Variants in RTN1 observed in about 807,000 individuals in gnomAD.
The protein encoded by RTN1 is reticulon-1.
Under a neutral mutation model 65.5 loss-of-function variants are expected in RTN1, and 25 were observed. The observed-to-expected ratio is 0.38, with a 90% CI of 0.28 to 0.53. The LOEUF (loss-of-function observed/expected upper bound fraction) is 0.53, where lower values mean the gene tolerates loss of function less well. RTN1 is among the 20% of genes least tolerant of loss of function. RTN1 has a pLI of 0.79. For synonymous variants in RTN1, 471 were observed against 447.6 expected (o/e 1.05, Z -0.66); for missense variants, 983 against 1,025.4 (o/e 0.96, Z 0.57).
At chr14:59,601,264 C>G (rs1881570018) in intron 8 of RTN1, among the ~76,000 whole-genome samples, 1 of 152,180 alleles carries the variant, frequency 6.6e-6, no homozygotes, top group African/African-American at 2.4e-5. Context: ...CTTGCAACGT[C>G]TTTCCCCTTA....
At chr14:59,707,726 CACACACACACACACACAA>C (rs1232931280) in intron 3 of RTN1, among the ~76,000 whole-genome samples, 4 of 151,944 alleles carry the variant, frequency 2.6e-5, no homozygotes, top group African/African-American at 9.7e-5. Flanking sequence ...CACACACACA[CACACACACACACACACAA>C]ATACATACAC....
intron 4 of RTN1, 93 bp from the exon 5 acceptor site, chr14:59,605,599 A>C: frequency 8.9e-5 from 121 of 1,357,460 alleles, no homozygotes; most frequent in Non-Finnish European, 1.1e-4. Flanking sequence ...TCCTACTCTC[A>C]CTCTGAGGGT....
At chr14:59,764,374 G>A (rs1885808761) in intron 1 of RTN1, among the ~76,000 whole-genome samples, 1 of 151,208 alleles carries the variant, frequency 6.6e-6, no homozygotes, top group Non-Finnish European at 1.5e-5. Flanking sequence ...AGGCTGGAAT[G>A]CAATGGCGCA....
intron 1 of RTN1, among the ~76,000 whole-genome samples, chr14:59,769,432 T>C (rs1342889142): frequency 6.6e-6 from 1 of 152,192 alleles, no homozygotes; most frequent in Non-Finnish European, 1.5e-5. Flanking sequence ...AAATGACATA[T>C]ATTTTTCATG....
At chr14:59,822,660 T>G (rs1164609701) in intron 1 of RTN1, among the ~76,000 whole-genome samples, 1 of 152,218 alleles carries the variant, frequency 6.6e-6, no homozygotes, top group Non-Finnish European at 1.5e-5. Flanking sequence ...TGCTATAAAC[T>G]TTCCTCTTAA....
intron 1 of RTN1, among the ~76,000 whole-genome samples, chr14:59,747,348 G>A (rs1197985648): frequency 3.3e-5 from 5 of 152,166 alleles, no homozygotes; most frequent in African/African-American, 9.7e-5. Context: ...AGTGGCTCAC[G>A]CCTGTAATTC....
intron 3 of RTN1, among the ~76,000 whole-genome samples, chr14:59,715,406 G>A (rs1198511616): frequency 1.3e-5 from 2 of 152,108 alleles, no homozygotes; most frequent in Non-Finnish European, 2.9e-5. Context: ...AATCATAACA[G>A]GACTTATAAA....
At chr14:59,860,033 C>G (rs1160918340) in intron 1 of RTN1, among the ~76,000 whole-genome samples, 4 of 152,162 alleles carry the variant, frequency 2.6e-5, no homozygotes, top group Non-Finnish European at 4.4e-5. Flanking sequence ...TTTCTGAGGA[C>G]AAATTCAAGT....
Position 59,727,153 on chromosome 14 carries a change from G to T in RTN1, c.1531C>A (p.Pro511Thr), listed in dbSNP as rs1286293609. 1.9e-6 allele frequency: 3 copies of T among 1,599,354 alleles called. No homozygotes were observed. Among genetic ancestry groups the T allele is most frequent in the Non-Finnish European group, 2.6e-6 (3 of 1,173,038 alleles). The change falls in exon 3 of 9, where the codon CCA becomes ACA. Residue 511 changes from proline to threonine, a missense_variant. Coordinates refer to ENST00000267484, the MANE Select transcript of RTN1 (RefSeq NM_021136.3). The surrounding 1 kb of genome is among the most constrained non-coding windows in gnomAD (Gnocchi z 4.2). ...GGCTCGGCCAGGCCCCGCCGGCTTG[G>T]CGCACGCTCCTCGGCCCGGACGCCA... ...ETGVRAEERA[P>T]SRRGLAEPGS...
In RTN1 at chr14:59,745,824, G is replaced by A. The variant is rs1253744383; in HGVS notation, c.899C>T (p.Thr300Ile). ...PSVETTTQEK[T>I]PEKQDICLKP... The stretch of plus-strand genomic sequence containing the variant: ...TAGACATATATCTTGCTTCTCAGGG[G>A]TCTTCTCTTGGGTAGTGGTTTCAAC... The change falls in exon 2 of 9, where the codon ACC becomes ATC. Residue 300 changes from threonine (T) to isoleucine (I), a missense_variant. Around this residue, in one of 2 missense-constraint regions of RTN1, gnomAD observed 818 missense variants for 801.8 expected, o/e 1.02. Coordinates refer to ENST00000267484, the MANE Select transcript of RTN1 (RefSeq NM_021136.3). 4 of 1,613,952 alleles carry A rather than the reference G, an allele frequency of 2.5e-6. No individual in the cohort carries two copies. Among genetic ancestry groups the A allele is most frequent in the Non-Finnish European group, 3.4e-6 (4 of 1,180,032 alleles).
At chr14:59,709,726 T>C (rs1282635631) in intron 3 of RTN1, among the ~76,000 whole-genome samples, 2 of 152,160 alleles carry the variant, frequency 1.3e-5, no homozygotes, top group Non-Finnish European at 2.9e-5. Flanking sequence ...GTTCAGATAA[T>C]TGAAAGCATA....
intron 1 of RTN1, among the ~76,000 whole-genome samples, chr14:59,811,470 A>G (rs1268845358): frequency 1.3e-5 from 2 of 152,220 alleles, no homozygotes; most frequent in Non-Finnish European, 1.5e-5. Flanking sequence ...ATAAATGTGC[A>G]CTGCATTGTA....
chr14:59,753,578 T>C (rs73313733), intron 1 of RTN1, among the ~76,000 whole-genome samples: 5,484 of 152,266 alleles, frequency 0.036, 287 homozygotes, highest in African/African-American at 0.11. Context: ...ATGCATGATA[T>C]GGTGCCTATC....
At chr14:59,728,664 T>C (rs1239047402) in intron 2 of RTN1, among the ~76,000 whole-genome samples, 1 of 152,168 alleles carries the variant, frequency 6.6e-6, no homozygotes, top group Non-Finnish European at 1.5e-5. Context: ...TAGCAATAAC[T>C]AGTTGCATTT....
chr14:59,625,550 A>G (rs1228816109), intron 3 of RTN1, among the ~76,000 whole-genome samples: 1 of 152,190 alleles, frequency 6.6e-6, no homozygotes, highest in Non-Finnish European at 1.5e-5. Flanking sequence ...TACTTTTTGT[A>G]ACATATTCAA....
At chr14:59,773,708 G>A (rs1193250117) in intron 1 of RTN1, among the ~76,000 whole-genome samples, 1 of 152,064 alleles carries the variant, frequency 6.6e-6, no homozygotes, top group African/African-American at 2.4e-5. Context: ...TGTTAAAAGT[G>A]TATGGGATAC....
chr14:59,783,856 T>C (rs184945097), intron 1 of RTN1, among the ~76,000 whole-genome samples: 75 of 134,450 alleles, frequency 5.6e-4, no homozygotes, highest in African/African-American at 1.8e-3. Context: ...AAGTGTAGTA[T>C]AAACAAAAAA....
At chr14:59,602,953 T>A in intron 8 of RTN1, 112 bp downstream of exon 8, 1 of 715,202 alleles carries the variant, frequency 1.4e-6, no homozygotes, top group Non-Finnish European at 2.3e-6. Flanking sequence ...AGTAAGTGAA[T>A]GACCATAAAT....
chr14:59,830,384 C>G (rs1223747154), intron 1 of RTN1, among the ~76,000 whole-genome samples: 1 of 152,166 alleles, frequency 6.6e-6, no homozygotes, highest in Non-Finnish European at 1.5e-5. Context: ...CACTAGCATC[C>G]TTTCATAACG....
Sources: allele counts gnomAD v4.1 joint callset (sites outside exome capture counted in the v4.1 genomes callset), GRCh38; gene constraint gnomAD v4.1.1; regional missense constraint gnomAD v4.1.1; non-coding constraint Gnocchi (gnomAD v3.1); transcripts MANE v1.5; gene names NCBI Gene and HGNC (gene_info 2026-07-23, HGNC 2026-07-21).